The following DOCK1 variants were observed in gnomAD, a reference collection of about 807,000 sequenced individuals.
DOCK1 encodes dedicator of cytokinesis protein 1.
DOCK1 carries 138 observed loss-of-function variants against 262.7 expected under a neutral mutation model. The ratio of observed to expected loss-of-function variants is 0.53; its 90% CI spans 0.46 to 0.61. The LOEUF is 0.61. DOCK1 is among the 20% of genes least tolerant of loss of function. The pLI is 0.00. For synonymous variants in DOCK1, 866 were observed against 867.4 expected, an observed-to-expected ratio of 1.00 and a Z score of 0.03; for missense variants, 1,908 against 2,370.7, an observed-to-expected ratio of 0.80 and a Z score of 4.05.
intron 27 of DOCK1, among the ~76,000 whole-genome samples, chr10:127,173,275 C>T (rs577520208): frequency 6.6e-6 from 1 of 152,236 alleles, no homozygotes; most frequent in African/African-American, 2.4e-5. Context: ...TCTCAACTTA[C>T]AGGTGAAGAA....
intron 32 of DOCK1, among the ~76,000 whole-genome samples, chr10:127,358,958 T>G (rs1224210359): frequency 6.6e-6 from 1 of 152,136 alleles, no homozygotes; most frequent in Non-Finnish European, 1.5e-5. Flanking sequence ...CTAGATGGGC[T>G]ATGAGACCGG....
intron 51 of DOCK1, among the ~76,000 whole-genome samples, chr10:127,449,856 T>G (rs954202727): frequency 6.6e-6 from 1 of 152,198 alleles, no homozygotes; most frequent in Non-Finnish European, 1.5e-5. Context: ...TGGCTCTTCC[T>G]GTCAGTAATC....
chr10:127,266,989 G>A (rs544182435), intron 29 of DOCK1, among the ~76,000 whole-genome samples: 2 of 152,238 alleles, frequency 1.3e-5, no homozygotes, highest in African/African-American at 2.4e-5. Flanking sequence ...CTTTTCTGGG[G>A]GCTGTGTTGG....
At chr10:127,170,174 G>C (rs1358634528) in intron 27 of DOCK1, among the ~76,000 whole-genome samples, 2 of 152,106 alleles carry the variant, frequency 1.3e-5, no homozygotes, top group African/African-American at 4.8e-5. Context: ...CACCCTTCCT[G>C]CAAGGTACTA....
At chr10:127,196,863 C>G (rs1476218140) in intron 27 of DOCK1, among the ~76,000 whole-genome samples, 2 of 151,910 alleles carry the variant, frequency 1.3e-5, no homozygotes, top group Non-Finnish European at 2.9e-5. Flanking sequence ...TGAGTCTACC[C>G]TGGAGCCGCC....
intron 38 of DOCK1, among the ~76,000 whole-genome samples, chr10:127,395,760 T>C (rs2066787650): frequency 6.6e-6 from 1 of 151,240 alleles, no homozygotes; most frequent in Admixed American, 6.6e-5. Flanking sequence ...GGAAGTGATG[T>C]CATGAGACTT....
At chr10:127,413,020 C>T (rs1052028980) in intron 43 of DOCK1, among the ~76,000 whole-genome samples, 3 of 152,198 alleles carry the variant, frequency 2.0e-5, no homozygotes, top group South Asian at 2.1e-4. Context: ...TGGACACCCT[C>T]GCTAAGGGCA....
At chr10:127,378,430 C>A (rs1426594243) in intron 35 of DOCK1, among the ~76,000 whole-genome samples, 1 of 152,112 alleles carries the variant, frequency 6.6e-6, no homozygotes, top group Non-Finnish European at 1.5e-5. Context: ...AGAGACAAGG[C>A]TGCCCGCGGA....
chr10:127,189,964 CCTT>C (rs1255217190), intron 27 of DOCK1, among the ~76,000 whole-genome samples: 1 of 152,222 alleles, frequency 6.6e-6, no homozygotes, highest in East Asian at 1.9e-4. Context: ...ACAGACATCT[CCTT>C]CTCTCATGCT....
rs368184100 is a variant in DOCK1 at position 126,905,914 on chromosome 10, T to C, written c.46+351T>C. 1.2e-4 allele frequency among the ~76,000 whole-genome samples: 18 copies of C among 152,132 alleles called. No homozygotes were observed. In the East Asian group the frequency reaches 2.4e-3, roughly 20 times the overall value. ...CCAACTCCCCGGCCCCGGCCGCTGCTATCTGCGCGGCTGGGCCCGTCAGGG... is the reference window on the plus strand; with the variant it reads ...CCAACTCCCCGGCCCCGGCCGCTGCCATCTGCGCGGCTGGGCCCGTCAGGG... On this transcript the variant is annotated intron_variant, in intron 1 of 51. Transcript: ENST00000623213.
At chr10:127,250,459 GA>G (rs138134080) in intron 28 of DOCK1, among the ~76,000 whole-genome samples, 44,334 of 151,868 alleles carry the variant, frequency 0.29, 7,358 homozygotes, top group South Asian at 0.55. Context: ...CAACAGTTTA[GA>G]AAAATCAATG....
intron 29 of DOCK1, among the ~76,000 whole-genome samples, chr10:127,285,488 A>G (rs905034911): frequency 2.0e-5 from 3 of 152,198 alleles, no homozygotes; most frequent in Non-Finnish European, 2.9e-5. Flanking sequence ...CTGTGCCCAT[A>G]TCTTCTCTCT....
chr10:127,434,808 A>C (rs772122699), intron 48 of DOCK1, among the ~76,000 whole-genome samples: 6 of 152,104 alleles, frequency 3.9e-5, no homozygotes, highest in Admixed American at 2.0e-4. Flanking sequence ...ACATGCCACC[A>C]TGCCTGGCCA....
chr10:126,985,884 G>C (rs991886432), intron 4 of DOCK1, among the ~76,000 whole-genome samples: 2 of 152,068 alleles, frequency 1.3e-5, no homozygotes, highest in African/African-American at 4.8e-5. Context: ...TCGCTTTGTT[G>C]CCCAGGCTGG....
At chr10:127,115,971 C>A (rs2132945651) in intron 25 of DOCK1, among the ~76,000 whole-genome samples, 1 of 152,294 alleles carries the variant, frequency 6.6e-6, no homozygotes, top group East Asian at 1.9e-4. Flanking sequence ...ATCATTTTGT[C>A]CTCACTTAGT....
chr10:127,357,548 C>T (rs1223584643), intron 32 of DOCK1, among the ~76,000 whole-genome samples: 1 of 152,162 alleles, frequency 6.6e-6, no homozygotes, highest in Non-Finnish European at 1.5e-5. Flanking sequence ...GAAAAGGTTG[C>T]AGTGAAGTGA....
chr10:127,428,159 T>C (rs1427139313), intron 47 of DOCK1, among the ~76,000 whole-genome samples: 2 of 152,272 alleles, frequency 1.3e-5, no homozygotes, highest in Non-Finnish European at 2.9e-5. Context: ...AGTTGATGCC[T>C]GTATTAATTC....
At position 127,003,682 on chromosome 10, in the gene DOCK1, G is replaced by C. The variant is rs1230105018; in HGVS notation, c.985+3375G>C. Among the ~76,000 whole-genome samples, 3 of 152,172 alleles carry C rather than the reference G, an allele frequency of 2.0e-5. No homozygotes were observed. The East Asian group carries it at 5.8e-4, about 29-fold the overall frequency. ...TCTGTACATTATAAGTAAGAAACTG[G>C]CTGGGCGCTGCCTGTAATCCCAGCA... On this transcript the variant is annotated intron_variant, in intron 10 of 51. Transcript: ENST00000623213.
chr10:127,330,832 G>A (rs748487535), intron 29 of DOCK1, among the ~76,000 whole-genome samples: 2 of 152,204 alleles, frequency 1.3e-5, no homozygotes, highest in African/African-American at 2.4e-5. Flanking sequence ...ACACACACAT[G>A]TGTGATTGAG....
Sources: gnomAD v4.1 joint callset for allele counts (sites outside exome capture counted in the v4.1 genomes callset) on GRCh38, gnomAD v4.1.1 for gene constraint, MANE v1.5 for transcripts, NCBI Gene and HGNC (gene_info 2026-07-23, HGNC 2026-07-21) for gene names.